The following PAQR7 variants were observed in gnomAD, a reference collection of about 807,000 sequenced individuals.
The protein encoded by PAQR7 is progestin and adipoQ receptor family member 7.
In PAQR7, 14 loss-of-function variants were observed where a neutral mutation model predicts 24.6. The ratio of observed to expected loss-of-function variants is 0.57; its 90% CI spans 0.38 to 0.89. The LOEUF is 0.89. Ranked by LOEUF, PAQR7 falls within the 40% of genes least tolerant of loss-of-function variation. PAQR7 has a pLI of 0.00. For synonymous variants in PAQR7, 189 were observed against 198.8 expected (o/e 0.95, Z 0.42); for missense variants, 351 against 444.0 (o/e 0.79, Z 1.88).
chr1:25,873,457 G>A (rs901702967), intron 1 of PAQR7, among the ~76,000 whole-genome samples: 2 of 151,252 alleles, frequency 1.3e-5, no homozygotes, highest in African/African-American at 4.9e-5. Flanking sequence ...GGTCCAAAGT[G>A]TTTAAAGAAA....
chr1:25,873,699 T>C (rs2048623172), intron 1 of PAQR7, among the ~76,000 whole-genome samples: 1 of 151,880 alleles, frequency 6.6e-6, no homozygotes, highest in South Asian at 2.1e-4. Context: ...GCCTCCTGAG[T>C]AGCCCTGACC....
At position 25,863,945 on chromosome 1, in the gene PAQR7, C is replaced by T; in HGVS notation, c.-22-84G>A. 1 of 979,346 alleles carries T rather than the reference C, an allele frequency of 1.0e-6. No individual in the cohort carries two copies. The highest frequency in any genetic ancestry group is 1.5e-6 in the Non-Finnish European group (1 of 671,806). The allele number at this position is 979,346 out of a possible 1,614,324, so 60.7% of individuals were successfully genotyped here. ...GCTGGGGGGCTCTGATGCCCAAATC[C>T]TACTCCCTCCTCTCCGACAGCCTTA... On this transcript the variant is annotated intron_variant, in intron 2 of 2. Coordinates refer to ENST00000675840, the MANE Select transcript of PAQR7 (RefSeq NM_178422.6). The surrounding 1 kb of genome is among the most constrained non-coding windows in gnomAD (Gnocchi z 6.1).
At chr1:25,869,760 GCT>G (rs2048588629) in intron 2 of PAQR7, among the ~76,000 whole-genome samples, 1 of 152,086 alleles carries the variant, frequency 6.6e-6, no homozygotes, top group Non-Finnish European at 1.5e-5. Flanking sequence ...AGGCAACCAG[GCT>G]CTTTCTTATA....
chr1:25,864,756 C>T (rs1024852890), intron 2 of PAQR7, among the ~76,000 whole-genome samples: 5 of 152,010 alleles, frequency 3.3e-5, no homozygotes, highest in African/African-American at 1.2e-4. Context: ...GAGGCTGGGG[C>T]AGGAGGATCC....
At chr1:25,870,773 G>A (rs1216718160) in intron 1 of PAQR7, 79 bp from the exon 2 acceptor site, 1 of 152,166 alleles carries the variant, frequency 6.6e-6, no homozygotes, top group Non-Finnish European at 1.5e-5. Flanking sequence ...CAGAGCAGAT[G>A]GACTTCAGAT....
Position 25,862,664 on chromosome 1 carries a change from G to A in PAQR7, c.*135C>T. 1 of 974,500 alleles carries A rather than the reference G, an allele frequency of 1.0e-6. No individual in the cohort carries two copies. The highest frequency in any genetic ancestry group is 1.6e-5 in the African/African-American group (1 of 61,058). The allele number at this position is 974,500 out of a possible 1,614,324, so 60.4% of individuals were successfully genotyped here. A position where few individuals can be genotyped will look rare whatever the true frequency, so the allele number is the denominator to read the frequency against. On this transcript the variant is annotated 3_prime_UTR_variant, in exon 3 of 3. Coordinates refer to ENST00000675840, the MANE Select transcript of PAQR7 (RefSeq NM_178422.6). ...CCAAGAATTGGCCAGTGATGCCCTT[G>A]GCAGTTGAGTCGTGCACAGAGAGTC...
intron 2 of PAQR7, among the ~76,000 whole-genome samples, chr1:25,869,929 T>G (rs568567252): frequency 6.6e-6 from 1 of 152,180 alleles, no homozygotes; most frequent in South Asian, 2.1e-4. Context: ...ATGGGCCCTA[T>G]GGACAAAACC....
chr1:25,866,018 C>T (rs571836337), intron 2 of PAQR7, among the ~76,000 whole-genome samples: 118 of 151,258 alleles, frequency 7.8e-4, no homozygotes, highest in African/African-American at 2.7e-3. Flanking sequence ...GAAAGAACAA[C>T]ATGACACCAT....
Position 25,875,573 on chromosome 1 carries a change from C to G in PAQR7, c.-194G>C, listed in dbSNP as rs1051932267. ...AGAGCAGCCGGGCAGCGGCCCCGCC[C>G]CAAGCCGGGGGAGGGCGGGCGGCCT... On this transcript the variant is annotated 5_prime_UTR_variant, in exon 1 of 3. Coordinates refer to ENST00000675840, the MANE Select transcript of PAQR7 (RefSeq NM_178422.6). This position sits in a 1 kb window ranked among gnomAD's most constrained non-coding sequence, Gnocchi z 5.4. Among the ~76,000 whole-genome samples the G allele has an allele frequency of 1.3e-5, 2 of 152,008 alleles. No homozygotes were observed. The highest frequency in any genetic ancestry group is 1.5e-5 in the Non-Finnish European group (1 of 67,956).
At position 25,863,775 on chromosome 1, in the gene PAQR7, T is replaced by C; in HGVS notation, c.65A>G (p.Gln22Arg). 1 of 1,613,238 alleles carries C rather than the reference T, an allele frequency of 6.2e-7. No homozygotes were observed. Among genetic ancestry groups the C allele is most frequent in the Non-Finnish European group, 8.5e-7 (1 of 1,179,904 alleles). Residue 22 changes from glutamine (Q) to arginine (R), a missense_variant, in exon 3 of 3, where the codon CAG (glutamine) becomes CGG (arginine). By Grantham distance (43) the Gln-to-Arg change is conservative (BLOSUM62 1). Coordinates refer to ENST00000675840, the MANE Select transcript of PAQR7 (RefSeq NM_178422.6). This position sits in a 1 kb window ranked among gnomAD's most constrained non-coding sequence, Gnocchi z 6.1. ...PSLRQVIQEP[Q>R]LSLQPEPVFT... ...GACAGGCTCTGGCTGCAGAGATAGC[T>C]GAGGCTCCTGGATGACCTGCCGCAG...
chr1:25,869,429 G>A (rs530395116), intron 2 of PAQR7, among the ~76,000 whole-genome samples: 3 of 152,012 alleles, frequency 2.0e-5, no homozygotes, highest in South Asian at 2.1e-4. Flanking sequence ...AAAATTAGCC[G>A]GGCATGGTGG....
chr1:25,862,514 C>A lies in PAQR7; in HGVS notation c.*285G>T. The A allele has an allele frequency of 2.6e-6, 1 of 390,898 alleles. No individual in the cohort carries two copies. 24.2% of individuals were successfully genotyped at this position (390,898 alleles called of 1,614,324 possible). On this transcript the variant is annotated 3_prime_UTR_variant, in exon 3 of 3. Transcript: ENST00000675840. ...CACCAAGCTGACCCCCAGCCTCACC[C>A]CAGTGAGTGGCAGTGGAAGGGCAAG...
chr1:25,864,482 G>A (rs138395640), intron 2 of PAQR7, among the ~76,000 whole-genome samples: 97 of 152,262 alleles, frequency 6.4e-4, no homozygotes, highest in African/African-American at 2.3e-3. Flanking sequence ...TCACATGTCT[G>A]TAGCTTTACA....
In PAQR7 at chr1:25,875,690, A is replaced by T. The variant is rs975034948; in HGVS notation, c.-311T>A. 3.8e-4 allele frequency among the ~76,000 whole-genome samples: 58 copies of T among 152,122 alleles called. No individual in the cohort carries two copies. The highest frequency in any genetic ancestry group is 1.4e-3 in the African/African-American group (57 of 41,534). On this transcript the variant is annotated 5_prime_UTR_variant, in exon 1 of 3. Coordinates refer to ENST00000675840, the MANE Select transcript of PAQR7 (RefSeq NM_178422.6). This position sits in a 1 kb window ranked among gnomAD's most constrained non-coding sequence, Gnocchi z 5.4. The stretch of plus-strand genomic sequence containing the variant: ...CGCGCACAAGCAGCTCTGCCCCGCC[A>T]GGCCCACGTGTTGCACGCGCGGGAG...
At position 25,875,019 on chromosome 1, in the gene PAQR7, C is replaced by T. The variant is rs1404681118; in HGVS notation, c.-109+469G>A. Among the ~76,000 whole-genome samples the T allele has an allele frequency of 6.6e-6, 1 of 152,200 alleles. No homozygotes were observed. Among genetic ancestry groups the T allele is most frequent in the Non-Finnish European group, 1.5e-5 (1 of 68,028 alleles). On this transcript the variant is annotated intron_variant, in intron 1 of 2. Coordinates refer to ENST00000675840, the MANE Select transcript of PAQR7 (RefSeq NM_178422.6). This position sits in a 1 kb window ranked among gnomAD's most constrained non-coding sequence, Gnocchi z 5.4. ...TCCTGTCCCGGTCTCACCTACATTCCTCCTCCAGAAAGCAGTGAGCTCCCT... is the reference window on the plus strand; with the variant it reads ...TCCTGTCCCGGTCTCACCTACATTCTTCCTCCAGAAAGCAGTGAGCTCCCT...
intron 1 of PAQR7, among the ~76,000 whole-genome samples, chr1:25,872,336 TA>T (rs911546100): frequency 1.3e-5 from 2 of 151,784 alleles, no homozygotes; most frequent in Non-Finnish European, 2.9e-5. Context: ...AAGGAGAGAG[TA>T]AATTCACCAG....
intron 2 of PAQR7, among the ~76,000 whole-genome samples, chr1:25,866,332 G>A (rs1376191474): frequency 6.6e-6 from 1 of 152,022 alleles, no homozygotes; most frequent in Non-Finnish European, 1.5e-5. Context: ...CCACCTCTGG[G>A]GCCTCCTTAC....
intron 1 of PAQR7, among the ~76,000 whole-genome samples, chr1:25,872,109 C>T (rs1220608496): frequency 1.3e-5 from 2 of 152,238 alleles, no homozygotes; most frequent in African/African-American, 4.8e-5. Context: ...AGTCCCTCAA[C>T]CTCTCTGAGC....
In PAQR7 at chr1:25,863,208, A is replaced by T; in HGVS notation, c.632T>A (p.Val211Asp). 1.2e-6 allele frequency: 2 copies of T among 1,614,244 alleles called. No individual in the cohort carries two copies. The highest frequency in any genetic ancestry group is 1.7e-6 in the Non-Finnish European group (2 of 1,180,044). ...ACTAATGTCCAGTGCGTAGGCCAGG[A>T]CGGAGGGCACCTCCTGGCATGTGCG... ...LGRTCQEVPS[V>D]LAYALDISPV... Residue 211 changes from valine (V) to aspartate (D), a missense_variant, in exon 3 of 3, where the codon GTC becomes GAC. Physicochemically the swap from Val to Asp is radical, Grantham distance 152. Coordinates refer to ENST00000675840, the MANE Select transcript of PAQR7 (RefSeq NM_178422.6). This position sits in a 1 kb window ranked among gnomAD's most constrained non-coding sequence, Gnocchi z 6.1.
Sources: allele counts gnomAD v4.1 joint callset (sites outside exome capture counted in the v4.1 genomes callset), GRCh38; gene constraint gnomAD v4.1.1; non-coding constraint Gnocchi (gnomAD v3.1); transcripts MANE v1.5; gene names NCBI Gene and HGNC (gene_info 2026-07-23, HGNC 2026-07-21).